Variants in NEDD4L observed in about 807,000 individuals in gnomAD.
NEDD4L encodes E3 ubiquitin-protein ligase NEDD4-like.
A neutral mutation model predicts 148.9 loss-of-function variants in NEDD4L; 54 were observed. That is an observed-to-expected ratio of 0.36 (90% confidence interval 0.29 to 0.45). The LOEUF is 0.45. Among genes scored for constraint, NEDD4L ranks in the 20% least tolerant of loss-of-function variants. The pLI is 1.00. For synonymous variants in NEDD4L, 433 were observed against 440.7 expected (o/e 0.98, Z 0.22); for missense variants, 856 against 1,233.8 (o/e 0.69, Z 4.59).
Position 58,285,326 on chromosome 18 carries a change from G to GGT in NEDD4L, c.298-30639_298-30638dup, listed in dbSNP as rs56971358. ...TCCACAATGAGATGATGTGTGTGTGGGTGTGTGTGTGTGTGTGTTTGAGAT... is the reference window on the plus strand; with the variant it reads ...TCCACAATGAGATGATGTGTGTGTGGGTGTGTGTGTGTGTGTGTGTTTGAGAT... On this transcript the variant is annotated intron_variant, in intron 5 of 30. Transcript: ENST00000400345. 1.2e-3 allele frequency among the ~76,000 whole-genome samples: 176 copies of GGT among 150,642 alleles called. 1 individual carries two copies. The highest frequency in any genetic ancestry group is 2.7e-3 in the African/African-American group (110 of 41,140).
chr18:58,385,450 A>G (rs1339722659), intron 25 of NEDD4L, 76 bp from the exon 26 acceptor site: 21 of 1,166,474 alleles, frequency 1.8e-5, no homozygotes, highest in Non-Finnish European at 2.6e-5. Flanking sequence ...GAGGAGAAGC[A>G]CTCCCTGTTG....
intron 1 of NEDD4L, among the ~76,000 whole-genome samples, chr18:58,138,798 C>T (rs910043867): frequency 6.6e-6 from 1 of 152,212 alleles, no homozygotes; most frequent in Non-Finnish European, 1.5e-5. Flanking sequence ...ATTTCATTCA[C>T]AAGGGCGCCA....
Position 58,214,815 on chromosome 18 carries a change from T to TGTTG in NEDD4L, c.123-30612_123-30611insGTTG, listed in dbSNP as rs1555740338. Among the ~76,000 whole-genome samples the TGTTG allele has an allele frequency of 1.1e-3, 139 of 127,158 alleles. 1 individual carries two copies. The highest frequency in any genetic ancestry group is 3.3e-3 in the South Asian group (12 of 3,680). The allele number at this position is 127,158 out of a possible 152,430, so 83.4% of individuals were successfully genotyped here. ...TCTTTCTTTCATTTTTTTTTTTTTT[T>TGTTG]TTGTTGTTGTTGTTGAGACAGAGTC... On this transcript the variant is annotated intron_variant, in intron 2 of 30. Coordinates refer to ENST00000400345, the MANE Select transcript of NEDD4L (RefSeq NM_001144967.3).
chr18:58,292,668 T>C (rs2054939334), intron 5 of NEDD4L, among the ~76,000 whole-genome samples: 1 of 152,256 alleles, frequency 6.6e-6, no homozygotes, highest in South Asian at 2.1e-4. Context: ...CCAGGGATGG[T>C]TTTATGCCTT....
At chr18:58,381,499 G>T (rs1345301242) in intron 24 of NEDD4L, among the ~76,000 whole-genome samples, 1 of 152,184 alleles carries the variant, frequency 6.6e-6, no homozygotes, top group African/African-American at 2.4e-5. Flanking sequence ...CAGGGATTGT[G>T]GATGCTTATC....
chr18:58,078,127 A>G (rs2083264142), intron 1 of NEDD4L, among the ~76,000 whole-genome samples: 1 of 151,292 alleles, frequency 6.6e-6, no homozygotes, highest in Non-Finnish European at 1.5e-5. Context: ...ATGAATTTTT[A>G]AGAGCCAAAT....
At chr18:58,277,159 T>C (rs2052222825) in intron 5 of NEDD4L, among the ~76,000 whole-genome samples, 1 of 152,084 alleles carries the variant, frequency 6.6e-6, no homozygotes, top group Non-Finnish European at 1.5e-5. Flanking sequence ...CTGTGTATCT[T>C]GGCTTCTCTG....
At chr18:58,281,467 C>G (rs2053082690) in intron 5 of NEDD4L, among the ~76,000 whole-genome samples, 4 of 152,134 alleles carry the variant, frequency 2.6e-5, no homozygotes. Context: ...CCCTGTGGCA[C>G]AGTTCTCACC....
At chr18:58,265,306 T>A (rs2050063423) in intron 5 of NEDD4L, among the ~76,000 whole-genome samples, 2 of 152,100 alleles carry the variant, frequency 1.3e-5, no homozygotes, top group African/African-American at 4.8e-5. Context: ...ATTTCTTGGG[T>A]GTGGCTGTCA....
At position 58,143,235 on chromosome 18, in the gene NEDD4L, A is replaced by T. The variant is rs2033743096; in HGVS notation, c.49-22553A>T. ...TTCACTGGCGTTCACTGGTAGGGAA[A>T]CTGAGGCTTAATAATGTGCCCAGGT... is the stretch of plus-strand genomic sequence containing the variant. On this transcript the variant is annotated intron_variant, in intron 1 of 30. Coordinates refer to ENST00000400345, the MANE Select transcript of NEDD4L (RefSeq NM_001144967.3). 3.3e-5 allele frequency among the ~76,000 whole-genome samples: 5 copies of T among 152,208 alleles called. No homozygotes were observed. The South Asian group carries it at 1.0e-3, about 32-fold the overall frequency.
intron 1 of NEDD4L, among the ~76,000 whole-genome samples, chr18:58,109,580 T>G (rs1428943882): frequency 4.0e-5 from 6 of 148,322 alleles, no homozygotes; most frequent in Non-Finnish European, 7.5e-5. Flanking sequence ...TTGTTTTTTT[T>G]TTTTTTTTTG....
At chr18:58,277,605 T>A (rs2052337193) in intron 5 of NEDD4L, among the ~76,000 whole-genome samples, 1 of 152,194 alleles carries the variant, frequency 6.6e-6, no homozygotes, top group Non-Finnish European at 1.5e-5. Context: ...AATGGGGTAA[T>A]TAAAACCTGT....
Position 58,238,864 on chromosome 18 carries a change from T to G in NEDD4L, c.123-6563T>G, listed in dbSNP as rs553891612. ...TCTCTTTAGAAAGTATTACCTTTTTTCAATCTTTGACAATTTGTTAGATAA... is the reference window on the plus strand; with the variant it reads ...TCTCTTTAGAAAGTATTACCTTTTTGCAATCTTTGACAATTTGTTAGATAA... On this transcript the variant is annotated intron_variant, in intron 2 of 30. Coordinates refer to ENST00000400345, the MANE Select transcript of NEDD4L (RefSeq NM_001144967.3). 1.1e-4 allele frequency among the ~76,000 whole-genome samples: 16 copies of G among 152,356 alleles called. No homozygotes were observed. In the East Asian group the frequency reaches 3.1e-3, roughly 29 times the overall value.
At chr18:58,107,300 A>C (rs1276063539) in intron 1 of NEDD4L, among the ~76,000 whole-genome samples, 1 of 152,246 alleles carries the variant, frequency 6.6e-6, no homozygotes, top group Non-Finnish European at 1.5e-5. Context: ...TTCAGCCAAT[A>C]CCAGTAAATG....
intron 5 of NEDD4L, among the ~76,000 whole-genome samples, chr18:58,272,253 AAGT>A (rs1461708351): frequency 6.6e-6 from 1 of 152,198 alleles, no homozygotes; most frequent in African/African-American, 2.4e-5. Context: ...TGAATTTCCT[AAGT>A]AGTAAATACA....
chr18:58,389,879 G>A (rs1345976871), intron 28 of NEDD4L, among the ~76,000 whole-genome samples: 3 of 151,960 alleles, frequency 2.0e-5, no homozygotes, highest in Non-Finnish European at 4.4e-5. Context: ...GTGTTGCCCA[G>A]GCTGGATTCA....
intron 5 of NEDD4L, among the ~76,000 whole-genome samples, chr18:58,294,048 C>T (rs1349495834): frequency 2.0e-5 from 3 of 151,708 alleles, no homozygotes; most frequent in Non-Finnish European, 4.4e-5. Flanking sequence ...TAGGAAGTTT[C>T]CCACATACCA....
At chr18:58,190,978 G>A (rs985463216) in intron 2 of NEDD4L, among the ~76,000 whole-genome samples, 5 of 152,108 alleles carry the variant, frequency 3.3e-5, no homozygotes, top group Admixed American at 3.3e-4. Flanking sequence ...AGACGTGGTG[G>A]TGTGTGCCTG....
At chr18:58,321,229 C>G (rs916025758) in intron 6 of NEDD4L, among the ~76,000 whole-genome samples, 1 of 152,156 alleles carries the variant, frequency 6.6e-6, no homozygotes, top group African/African-American at 2.4e-5. Flanking sequence ...GAAGATACAG[C>G]AGGACGATAG....
Sources: gnomAD v4.1 joint callset for allele counts (sites outside exome capture counted in the v4.1 genomes callset) on GRCh38, gnomAD v4.1.1 for gene constraint, MANE v1.5 for transcripts, NCBI Gene and HGNC (gene_info 2026-07-23, HGNC 2026-07-21) for gene names.